Variants in ITGBL1 observed in about 807,000 individuals in gnomAD.
The protein encoded by ITGBL1 is integrin subunit beta like 1, also known as integrin beta-like protein 1.
Under a neutral mutation model 68.5 loss-of-function variants are expected in ITGBL1, and 51 were observed. That is an observed-to-expected ratio of 0.74 (90% CI 0.59 to 0.94). ITGBL1 has a LOEUF of 0.94. ITGBL1 is among the 40% of genes least tolerant of loss of function. ITGBL1 has a pLI of 0.00. For synonymous variants in ITGBL1, 209 were observed against 227.3 expected (o/e 0.92, Z 0.72); for missense variants, 649 against 647.4 (o/e 1.00, Z -0.03).
intron 2 of ITGBL1, among the ~76,000 whole-genome samples, chr13:101,467,282 G>T (rs2048395060): frequency 6.6e-6 from 1 of 152,168 alleles, no homozygotes; most frequent in African/African-American, 2.4e-5. Flanking sequence ...CGGGGATATT[G>T]AAGCCTTTGT....
intron 2 of ITGBL1, among the ~76,000 whole-genome samples, chr13:101,538,137 A>C (rs1342131851): frequency 6.6e-6 from 1 of 152,042 alleles, no homozygotes; most frequent in African/African-American, 2.4e-5. Context: ...CAAGTTTTAA[A>C]ATTTATATTG....
chr13:101,525,806 G>C (rs2139145665), intron 2 of ITGBL1, among the ~76,000 whole-genome samples: 1 of 151,980 alleles, frequency 6.6e-6, no homozygotes, highest in Non-Finnish European at 1.5e-5. Flanking sequence ...TCTTTAAGCA[G>C]TAATACCTCT....
At chr13:101,605,421 CATAT>C (rs2030725064) in intron 7 of ITGBL1, among the ~76,000 whole-genome samples, 1 of 97,668 alleles carries the variant, frequency 1.0e-5, no homozygotes, top group Non-Finnish European at 2.0e-5. Flanking sequence ...TATATATACA[CATAT>C]ATAGACATGT....
At chr13:101,613,141 T>G (rs2031212442) in intron 7 of ITGBL1, among the ~76,000 whole-genome samples, 1 of 152,216 alleles carries the variant, frequency 6.6e-6, no homozygotes, top group African/African-American at 2.4e-5. Context: ...CTGTTTACTC[T>G]GAAATGTTGT....
At chr13:101,529,239 T>C (rs2049432168) in intron 2 of ITGBL1, among the ~76,000 whole-genome samples, 1 of 151,812 alleles carries the variant, frequency 6.6e-6, no homozygotes, top group African/African-American at 2.4e-5. Flanking sequence ...AAAGAACTTC[T>C]TAAATATGGT....
chr13:101,549,004 T>G (rs552486120), intron 2 of ITGBL1, among the ~76,000 whole-genome samples: 13 of 151,974 alleles, frequency 8.6e-5, no homozygotes, highest in African/African-American at 2.9e-4. Flanking sequence ...TTATTACACT[T>G]GAACATTTAA....
chr13:101,512,742 TTATC>T (rs1440308112), intron 2 of ITGBL1, among the ~76,000 whole-genome samples: 1 of 152,178 alleles, frequency 6.6e-6, no homozygotes, highest in African/African-American at 2.4e-5. Context: ...ATGTGGATTC[TTATC>T]TATAATTACC....
At chr13:101,560,747 A>T (rs2050086111) in intron 2 of ITGBL1, among the ~76,000 whole-genome samples, 1 of 152,228 alleles carries the variant, frequency 6.6e-6, no homozygotes, top group Non-Finnish European at 1.5e-5. Flanking sequence ...CAAGTAACTC[A>T]AATTATCCTT....
chr13:101,457,851 G>T (rs1386109452), intron 2 of ITGBL1, among the ~76,000 whole-genome samples: 1 of 152,088 alleles, frequency 6.6e-6, no homozygotes, highest in Non-Finnish European at 1.5e-5. Flanking sequence ...ATGGCAAAAT[G>T]TTTGATTGCA....
intron 2 of ITGBL1, among the ~76,000 whole-genome samples, chr13:101,484,880 A>G (rs1566696030): frequency 6.6e-6 from 1 of 152,090 alleles, no homozygotes; most frequent in South Asian, 2.1e-4. Context: ...ACGCTCAATA[A>G]ACTTGAACTA....
At position 101,582,727 on chromosome 13, in the gene ITGBL1, A is replaced by G. The variant is rs960690374; in HGVS notation, c.728-489A>G. On this transcript the variant is annotated intron_variant, in intron 5 of 10. Transcript: ENST00000376180. ...TAGTTCTACCTCCAATGTCTCCTAGAACATTTCCTCTAATCCCTATATATC... is the reference window on the plus strand; with the variant it reads ...TAGTTCTACCTCCAATGTCTCCTAGGACATTTCCTCTAATCCCTATATATC... Among the ~76,000 whole-genome samples the G allele has an allele frequency of 3.3e-5, 5 of 152,092 alleles. No individual in the cohort carries two copies. The East Asian group carries it at 9.6e-4, about 29-fold the overall frequency.
At chr13:101,565,187 A>T (rs1342751392) in intron 2 of ITGBL1, among the ~76,000 whole-genome samples, 1 of 152,072 alleles carries the variant, frequency 6.6e-6, no homozygotes, top group Non-Finnish European at 1.5e-5. Context: ...TTGAAAAATG[A>T]GGTGTTTTTT....
chr13:101,576,249 G>A (rs1257638896), intron 4 of ITGBL1, among the ~76,000 whole-genome samples: 2 of 152,066 alleles, frequency 1.3e-5, no homozygotes, highest in Non-Finnish European at 2.9e-5. Flanking sequence ...GTAGAATTTG[G>A]GCTCGTGTCT....
At chr13:101,675,537 G>A (rs1255006515) in intron 7 of ITGBL1, among the ~76,000 whole-genome samples, 1 of 152,044 alleles carries the variant, frequency 6.6e-6, no homozygotes, top group African/African-American at 2.4e-5. Flanking sequence ...TCTCTTTAAT[G>A]TGTGTGTTCA....
intron 7 of ITGBL1, among the ~76,000 whole-genome samples, chr13:101,637,004 T>C (rs1011337479): frequency 6.6e-6 from 1 of 152,130 alleles, no homozygotes; most frequent in Non-Finnish European, 1.5e-5. Flanking sequence ...GGGGCTGAAG[T>C]TTAAAATTGA....
chr13:101,676,391 A>C (rs2033504759), intron 7 of ITGBL1, among the ~76,000 whole-genome samples: 1 of 152,214 alleles, frequency 6.6e-6, no homozygotes, highest in African/African-American at 2.4e-5. Flanking sequence ...TAATATCTAA[A>C]GTGAAAATCT....
At chr13:101,690,122 A>G (rs184225214) in intron 7 of ITGBL1, among the ~76,000 whole-genome samples, 26 of 152,336 alleles carry the variant, frequency 1.7e-4, no homozygotes, top group East Asian at 1.4e-3. Flanking sequence ...AGAATTGGAA[A>G]TTGGTTACTA....
At chr13:101,689,857 A>T (rs775469119) in intron 7 of ITGBL1, among the ~76,000 whole-genome samples, 1 of 152,198 alleles carries the variant, frequency 6.6e-6, no homozygotes, top group African/African-American at 2.4e-5. Context: ...TTGAGTTACA[A>T]ATAATTCAGT....
chr13:101,475,542 T>C (rs1370980851), intron 2 of ITGBL1, among the ~76,000 whole-genome samples: 1 of 151,976 alleles, frequency 6.6e-6, no homozygotes, highest in Admixed American at 6.6e-5. Context: ...TTTCCAAACC[T>C]AGAGAAATAT....
Sources: gnomAD v4.1 joint callset for allele counts (sites outside exome capture counted in the v4.1 genomes callset) on GRCh38, gnomAD v4.1.1 for gene constraint, MANE v1.5 for transcripts, NCBI Gene and HGNC (gene_info 2026-07-23, HGNC 2026-07-21) for gene names.